MGAT5: variants seen among roughly 807,000 people sequenced by gnomAD.
MGAT5 encodes alpha-1,6-mannosylglycoprotein 6-beta-N-acetylglucosaminyltransferase A.
In MGAT5, 30 loss-of-function variants were observed where a neutral mutation model predicts 94.3. The observed-to-expected ratio is 0.32, with a 90% CI of 0.24 to 0.43. The LOEUF (loss-of-function observed/expected upper bound fraction) is 0.43. MGAT5 is among the 20% of genes least tolerant of loss of function. MGAT5 has a pLI of 1.00. For synonymous variants in MGAT5, 310 were observed against 322.9 expected, an observed-to-expected ratio of 0.96 and a Z score of 0.43; for missense variants, 691 against 905.5, an observed-to-expected ratio of 0.76 and a Z score of 3.04.
chr2:134,186,801 T>C (rs749869646), intron 1 of MGAT5, among the ~76,000 whole-genome samples: 1 of 152,166 alleles, frequency 6.6e-6, no homozygotes, highest in Non-Finnish European at 1.5e-5. Flanking sequence ...TACTCTGCAC[T>C]CAGAATTGTT....
At chr2:134,160,318 C>T (rs912035442) in intron 1 of MGAT5, among the ~76,000 whole-genome samples, 2 of 152,308 alleles carry the variant, frequency 1.3e-5, no homozygotes, top group African/African-American at 2.4e-5. Context: ...GGACTACAGG[C>T]GCCTGCCACC....
At chr2:134,312,486 T>A (rs139809633) in intron 2 of MGAT5, among the ~76,000 whole-genome samples, 2 of 152,298 alleles carry the variant, frequency 1.3e-5, no homozygotes, top group Non-Finnish European at 2.9e-5. Context: ...CTGCTTTTTA[T>A]CTGTGGCACT....
At chr2:134,319,861 C>T in intron 4 of MGAT5, 1 of 259,144 alleles carries the variant, frequency 3.9e-6, no homozygotes. Flanking sequence ...CATGTGTATG[C>T]TCAATTTGGT....
At chr2:134,179,202 C>A (rs1480838263) in intron 1 of MGAT5, among the ~76,000 whole-genome samples, 1 of 152,042 alleles carries the variant, frequency 6.6e-6, no homozygotes, top group East Asian at 1.9e-4. Flanking sequence ...AGTGATTTTA[C>A]TGCTTAAAAT....
At position 134,448,660 on chromosome 2, in the gene MGAT5, C is replaced by A. The variant is rs1395230233; in HGVS notation, c.2039C>A (p.Thr680Asn). The change falls in exon 16 of 16, where the codon ACC becomes AAC. Residue 680 changes from threonine (T) to asparagine (N), a missense_variant. By Grantham distance (65) the Thr-to-Asn change is moderately conservative (BLOSUM62 0). This residue lies in a region of MGAT5 where 260 missense variants were observed against 347.0 expected (regional missense o/e 0.75). Transcript: ENST00000281923. ...CTCTTCCTCTTCAGGTACAAGGTGA[C>A]CTGCCAAAGCTCAGAGCTGGCCAAG... ...KDKDMLKYKV[T>N]CQSSELAKDI... 1 of 1,614,084 alleles carries A rather than the reference C, an allele frequency of 6.2e-7. No individual in the cohort carries two copies. The highest frequency in any genetic ancestry group is 1.1e-5 in the South Asian group (1 of 91,084).
intron 10 of MGAT5, among the ~76,000 whole-genome samples, chr2:134,399,036 ATT>A (rs1682879972): frequency 1.3e-5 from 2 of 152,244 alleles, no homozygotes; most frequent in South Asian, 4.1e-4. Flanking sequence ...TATATTGTCT[ATT>A]TCAGATTAGC....
chr2:134,193,102 C>CTTTATT (rs1214407281), intron 1 of MGAT5, among the ~76,000 whole-genome samples: 1 of 150,250 alleles, frequency 6.7e-6, no homozygotes, highest in East Asian at 1.9e-4. Flanking sequence ...TGTGAGGTTA[C>CTTTATT]TTTATTTTTA....
chr2:134,280,610 C>T lies in MGAT5; in HGVS notation c.406+10060C>T, dbSNP rs1364806140. Reference sequence around the variant, plus strand: ...TGCAGCTAGAGATGGGCTCTTGAACCAGAGAAAAGTGGACACCCAGTGAAG... The same window carrying T: ...TGCAGCTAGAGATGGGCTCTTGAACTAGAGAAAAGTGGACACCCAGTGAAG... On this transcript the variant is annotated intron_variant, in intron 2 of 15. Transcript: ENST00000281923. Among the ~76,000 whole-genome samples the T allele has an allele frequency of 2.0e-5, 3 of 152,202 alleles. No individual in the cohort carries two copies. The East Asian group carries it at 5.8e-4, about 29-fold the overall frequency.
At chr2:134,275,917 A>G (rs1326427146) in intron 2 of MGAT5, among the ~76,000 whole-genome samples, 1 of 152,074 alleles carries the variant, frequency 6.6e-6, no homozygotes, top group East Asian at 1.9e-4. Context: ...AGGACAAGAG[A>G]TGCTGCAAAA....
At chr2:134,381,331 A>AT (rs1297742684) in intron 10 of MGAT5, among the ~76,000 whole-genome samples, 2 of 8,998 alleles carry the variant, frequency 2.2e-4, no homozygotes, top group African/African-American at 6.5e-4. Context: ...GACCTGTCTC[A>AT]TAGATAGATA....
At chr2:134,237,526 C>G (rs1385004964) in intron 1 of MGAT5, among the ~76,000 whole-genome samples, 1 of 151,886 alleles carries the variant, frequency 6.6e-6, no homozygotes, top group East Asian at 1.9e-4. Flanking sequence ...ACCTACCTGG[C>G]TCATTTGAAA....
intron 10 of MGAT5, among the ~76,000 whole-genome samples, chr2:134,369,727 T>TTATGTGTGTGTG (rs1553455659): frequency 7.0e-6 from 1 of 142,196 alleles, no homozygotes; most frequent in Non-Finnish European, 1.5e-5. Context: ...GGTTTTTACA[T>TTATGTGTGTGTG]TGTGTGTGTG....
At chr2:134,443,017 T>C (rs1023640441) in intron 15 of MGAT5, among the ~76,000 whole-genome samples, 6 of 152,208 alleles carry the variant, frequency 3.9e-5, no homozygotes, top group Non-Finnish European at 8.8e-5. Flanking sequence ...TTAGTGCTGT[T>C]GTCCACTGTT....
intron 10 of MGAT5, among the ~76,000 whole-genome samples, chr2:134,383,153 C>T (rs1228691187): frequency 6.6e-6 from 1 of 152,190 alleles, no homozygotes; most frequent in Non-Finnish European, 1.5e-5. Context: ...AAAGAGATTT[C>T]AGAGACAGCG....
intron 10 of MGAT5, among the ~76,000 whole-genome samples, chr2:134,388,368 C>T (rs897914250): frequency 1.6e-4 from 24 of 151,916 alleles, no homozygotes; most frequent in African/African-American, 5.3e-4. Flanking sequence ...GAAGCAAATT[C>T]AAGACATCTT....
chr2:134,260,327 A>G (rs963892903), intron 1 of MGAT5, among the ~76,000 whole-genome samples: 2 of 152,220 alleles, frequency 1.3e-5, no homozygotes, highest in African/African-American at 2.4e-5. Flanking sequence ...GAGAACCAGC[A>G]TAGGGCTTTT....
At position 134,373,271 on chromosome 2, in the gene MGAT5, C is replaced by T. The variant is rs532912641; in HGVS notation, c.1380+10863C>T. Among the ~76,000 whole-genome samples the T allele has an allele frequency of 4.6e-5, 7 of 152,284 alleles. No homozygotes were observed. The South Asian group carries it at 8.3e-4, about 18-fold the overall frequency. ...GGAGGCAGCGTCTCACATAGTGACC[C>T]AGGGGCCTTTGGTGCCCAGAAGATG... On this transcript the variant is annotated intron_variant, in intron 10 of 15. Transcript: ENST00000281923.
At chr2:134,275,526 A>G (rs1684303146) in intron 2 of MGAT5, among the ~76,000 whole-genome samples, 1 of 150,396 alleles carries the variant, frequency 6.6e-6, no homozygotes, top group African/African-American at 2.5e-5. Flanking sequence ...CAGGGGACAC[A>G]TGTCAATGTC....
chr2:134,285,960 A>G (rs1650273891), intron 2 of MGAT5, among the ~76,000 whole-genome samples: 1 of 152,204 alleles, frequency 6.6e-6, no homozygotes, highest in South Asian at 2.1e-4. Flanking sequence ...AAATAAGGTG[A>G]TAGTAAATTG....
Sources: allele counts gnomAD v4.1 joint callset (sites outside exome capture counted in the v4.1 genomes callset), GRCh38; gene constraint gnomAD v4.1.1; regional missense constraint gnomAD v4.1.1; transcripts MANE v1.5; gene names NCBI Gene and HGNC (gene_info 2026-07-23, HGNC 2026-07-21).